ASIC2: variants seen among roughly 807,000 people sequenced by gnomAD.
ASIC2 encodes the protein acid-sensing ion channel 2.
Under a neutral mutation model 57.3 loss-of-function variants are expected in ASIC2, and 25 were observed. The ratio of observed to expected loss-of-function variants is 0.44; its 90% confidence interval spans 0.32 to 0.61. The LOEUF is 0.61. Ranked by LOEUF, ASIC2 falls within the 20% of genes least tolerant of loss-of-function variation. ASIC2 has a pLI of 0.06. For missense variants in ASIC2, 641 were observed against 738.1 expected, an observed-to-expected ratio of 0.87 and a Z score of 1.52; for synonymous variants, 319 against 307.5, an observed-to-expected ratio of 1.04 and a Z score of -0.39.
chr17:34,011,349 G>T (rs535020700), intron 1 of ASIC2, among the ~76,000 whole-genome samples: 1 of 151,946 alleles, frequency 6.6e-6, no homozygotes, highest in South Asian at 2.1e-4. Context: ...CTATTTTTTT[G>T]GGCTCAGGTC....
In ASIC2 at chr17:33,212,349, C is replaced by T. The variant is rs141158750; in HGVS notation, c.708+79059G>A. ...ACCACAGAAGAGGAGATGGCACCTACGATGGAAGCAAAGATTGGAGTGATG... is the reference window on the plus strand; with the variant it reads ...ACCACAGAAGAGGAGATGGCACCTATGATGGAAGCAAAGATTGGAGTGATG... On this transcript the variant is annotated intron_variant, in intron 1 of 9. Coordinates refer to ENST00000225823, the MANE Select transcript of ASIC2 (RefSeq NM_183377.2). Among the ~76,000 whole-genome samples, 820 of 152,172 alleles carry T rather than the reference C, an allele frequency of 5.4e-3. 5 individuals carry two copies. Among genetic ancestry groups the T allele is most frequent in the African/African-American group, 0.019 (785 of 41,506 alleles).
intron 1 of ASIC2, among the ~76,000 whole-genome samples, chr17:33,205,355 G>A (rs1257979783): frequency 6.6e-6 from 1 of 152,138 alleles, no homozygotes; most frequent in African/African-American, 2.4e-5. Context: ...TATGTTCTGG[G>A]GAACACTGGT....
chr17:33,368,284 A>G (rs960923064), intron 1 of ASIC2, among the ~76,000 whole-genome samples: 4 of 152,216 alleles, frequency 2.6e-5, no homozygotes, highest in African/African-American at 7.2e-5. Flanking sequence ...TAAAGCTGCC[A>G]TGTTGGAGAG....
intron 3 of ASIC2, among the ~76,000 whole-genome samples, chr17:33,082,504 G>T (rs2141959502): frequency 6.6e-6 from 1 of 152,200 alleles, no homozygotes; most frequent in Non-Finnish European, 1.5e-5. Context: ...TTCGAGACCA[G>T]TCTGGTCAAA....
intron 1 of ASIC2, among the ~76,000 whole-genome samples, chr17:33,837,125 C>T (rs1012847614): frequency 2.0e-5 from 3 of 152,122 alleles, no homozygotes; most frequent in African/African-American, 7.2e-5. Context: ...GCTTCCTGAA[C>T]TCTTCCCTGG....
chr17:33,703,326 T>TCTTTTTC (rs1555553183), intron 1 of ASIC2, among the ~76,000 whole-genome samples: 2 of 149,000 alleles, frequency 1.3e-5, no homozygotes, highest in Non-Finnish European at 3.0e-5. Context: ...TTTTTCTTTT[T>TCTTTTTC]TTTTTTGTTG....
At chr17:33,532,685 C>G (rs563655405) in intron 1 of ASIC2, among the ~76,000 whole-genome samples, 11 of 152,308 alleles carry the variant, frequency 7.2e-5, no homozygotes, top group African/African-American at 2.4e-4. Flanking sequence ...TCCTCTTGAC[C>G]CTGTCTCAGC....
intron 1 of ASIC2, among the ~76,000 whole-genome samples, chr17:33,234,619 C>G (rs1908227316): frequency 6.6e-6 from 1 of 152,164 alleles, no homozygotes; most frequent in Non-Finnish European, 1.5e-5. Flanking sequence ...ACATTTACTG[C>G]CCACAGTTCT....
chr17:33,895,691 C>G (rs1915078914), intron 1 of ASIC2, among the ~76,000 whole-genome samples: 1 of 152,202 alleles, frequency 6.6e-6, no homozygotes, highest in South Asian at 2.1e-4. Context: ...ACCTGGATGT[C>G]TTCCCAGGCT....
At chr17:33,588,404 T>C (rs754450731) in intron 1 of ASIC2, among the ~76,000 whole-genome samples, 1 of 152,196 alleles carries the variant, frequency 6.6e-6, no homozygotes, top group Admixed American at 6.5e-5. Context: ...GATTCAGTGA[T>C]CTTTGAGGGC....
At chr17:33,409,133 T>A (rs1012538570) in intron 1 of ASIC2, among the ~76,000 whole-genome samples, 1 of 152,188 alleles carries the variant, frequency 6.6e-6, no homozygotes, top group South Asian at 2.1e-4. Flanking sequence ...GAGAATTTAT[T>A]GAGCCTGGGA....
chr17:33,603,950 C>A (rs948354475), intron 1 of ASIC2, among the ~76,000 whole-genome samples: 3 of 152,140 alleles, frequency 2.0e-5, no homozygotes, highest in Non-Finnish European at 2.9e-5. Context: ...CAGAGGGTCA[C>A]GTGGGAGGTT....
At chr17:33,529,803 T>A (rs1396651259) in intron 1 of ASIC2, 2 of 152,248 alleles carry the variant, frequency 1.3e-5, no homozygotes, top group Non-Finnish European at 2.9e-5. Context: ...ATGTAAGGCA[T>A]TTAATAGAGT....
intron 1 of ASIC2, chr17:34,039,836 G>A (rs552012821): frequency 1.2e-6 from 2 of 1,607,182 alleles, no homozygotes; most frequent in African/African-American, 1.3e-5. Context: ...AATAATTTCT[G>A]CCGTCGTGGG....
intron 1 of ASIC2, among the ~76,000 whole-genome samples, chr17:33,217,337 T>A (rs1907529684): frequency 2.0e-5 from 3 of 152,190 alleles, no homozygotes; most frequent in Non-Finnish European, 4.4e-5. Context: ...AGACCTTCCC[T>A]CAAAAGGCAA....
rs3057620 is a variant in ASIC2 at position 33,453,284 on chromosome 17, G to GA, written c.556-341218dup. On this transcript the variant is annotated intron_variant, in intron 1 of 9. Transcript: ENST00000359872. ...TCCTCTTCCTTTCTACAAAGCAGGT[G>GA]AAAAAAAAAAAAAAAAAGAAACTGA... is the stretch of plus-strand genomic sequence containing the variant. Among the ~76,000 whole-genome samples the GA allele has an allele frequency of 6.2e-3, 800 of 129,628 alleles. 3 individuals carry two copies. Among genetic ancestry groups the GA allele is most frequent in the African/African-American group, 0.014 (459 of 32,948 alleles). 85.0% of individuals were successfully genotyped at this position (129,628 alleles called of 152,430 possible).
chr17:33,144,114 C>T (rs1422597804), intron 1 of ASIC2, among the ~76,000 whole-genome samples: 2 of 151,780 alleles, frequency 1.3e-5, no homozygotes, highest in Admixed American at 1.3e-4. Flanking sequence ...CTCATCCAAG[C>T]TGGGCCAATC....
chr17:33,087,433 T>C (rs2092138658), intron 3 of ASIC2, among the ~76,000 whole-genome samples: 1 of 152,094 alleles, frequency 6.6e-6, no homozygotes, highest in South Asian at 2.1e-4. Context: ...TCCCATTCCC[T>C]ATGTGCTTCA....
At chr17:33,828,046 A>ACT (rs1370120286) in intron 1 of ASIC2, 2 of 152,192 alleles carry the variant, frequency 1.3e-5, no homozygotes, top group Non-Finnish European at 2.9e-5. Flanking sequence ...CCTATAAAGG[A>ACT]CATGAACTCA....
Sources: allele counts gnomAD v4.1 joint callset (sites outside exome capture counted in the v4.1 genomes callset), GRCh38; gene constraint gnomAD v4.1.1; transcripts MANE v1.5; gene names NCBI Gene and HGNC (gene_info 2026-07-23, HGNC 2026-07-21).